Variants in SH3GL3 observed in about 807,000 individuals in gnomAD.
SH3GL3 encodes the protein endophilin-A3.
In SH3GL3, 33 loss-of-function variants were observed where a neutral mutation model predicts 47.7. That is an observed-to-expected ratio of 0.69 (90% CI 0.52 to 0.92). SH3GL3 has a LOEUF of 0.92. Ranked by LOEUF, SH3GL3 falls within the 40% of genes least tolerant of loss-of-function variation. The pLI is 0.00. For missense variants in SH3GL3, 363 were observed against 417.8 expected, an observed-to-expected ratio of 0.87 and a Z score of 1.14; for synonymous variants, 155 against 148.8, an observed-to-expected ratio of 1.04 and a Z score of -0.30.
chr15:83,555,024 T>G (rs1367223477), intron 1 of SH3GL3, among the ~76,000 whole-genome samples: 1 of 152,212 alleles, frequency 6.6e-6, no homozygotes. Flanking sequence ...CTCTCACTTA[T>G]CCTTCATATC....
intron 1 of SH3GL3, among the ~76,000 whole-genome samples, chr15:83,525,858 C>T (rs2043397323): frequency 6.6e-6 from 1 of 152,120 alleles, no homozygotes; most frequent in Non-Finnish European, 1.5e-5. Flanking sequence ...TCTGGGTTCT[C>T]TATTCGTGTT....
In SH3GL3 at chr15:83,571,675, A is replaced by G. The variant is rs76835836; in HGVS notation, c.332-890A>G. 1.8e-3 allele frequency among the ~76,000 whole-genome samples: 281 copies of G among 152,226 alleles called. 1 individual carries two copies. Among genetic ancestry groups the G allele is most frequent in the African/African-American group, 6.6e-3 (274 of 41,530 alleles). ...TCACCTGGTGGGTGAAACAACTCAA[A>G]GGTCAGACTTAGGCTGGGCTTTACG... is the stretch of plus-strand genomic sequence containing the variant. On this transcript the variant is annotated intron_variant, in intron 4 of 8. Coordinates refer to ENST00000427482, the MANE Select transcript of SH3GL3 (RefSeq NM_003027.5).
At chr15:83,469,513 G>A (rs548368881) in intron 1 of SH3GL3, among the ~76,000 whole-genome samples, 82 of 152,202 alleles carry the variant, frequency 5.4e-4, no homozygotes, top group Non-Finnish European at 8.2e-4. Flanking sequence ...ATTGTGATAT[G>A]TTGTAGTTTA....
intron 1 of SH3GL3, among the ~76,000 whole-genome samples, chr15:83,558,604 GA>G (rs1357806014): frequency 2.0e-5 from 3 of 152,054 alleles, no homozygotes; most frequent in Admixed American, 2.0e-4. Flanking sequence ...CCCCACAACA[GA>G]TAATTATCTG....
chr15:83,599,825 TC>T (rs1434422486), intron 8 of SH3GL3, among the ~76,000 whole-genome samples: 9 of 152,312 alleles, frequency 5.9e-5, no homozygotes, highest in African/African-American at 2.2e-4. Flanking sequence ...GTAGAAATGT[TC>T]CCTTTTCACC....
chr15:83,608,507 T>C (rs2060586153), intron 8 of SH3GL3, among the ~76,000 whole-genome samples: 2 of 152,220 alleles, frequency 1.3e-5, no homozygotes, highest in Admixed American at 1.3e-4. Context: ...AAGTATGTGC[T>C]TCAAATGAAT....
intron 1 of SH3GL3, among the ~76,000 whole-genome samples, chr15:83,490,007 G>A (rs556109770): frequency 6.6e-6 from 1 of 152,350 alleles, no homozygotes; most frequent in Admixed American, 6.5e-5. Flanking sequence ...ACCAAATACT[G>A]TCTCTGTGGC....
At chr15:83,539,901 G>A (rs1355274252) in intron 1 of SH3GL3, among the ~76,000 whole-genome samples, 2 of 152,046 alleles carry the variant, frequency 1.3e-5, no homozygotes, top group Non-Finnish European at 2.9e-5. Context: ...TAAAGCAGGG[G>A]TCTTAAATTA....
chr15:83,555,387 GCTCT>G (rs1277469251), intron 1 of SH3GL3, among the ~76,000 whole-genome samples: 1 of 151,814 alleles, frequency 6.6e-6, no homozygotes, highest in Non-Finnish European at 1.5e-5. Flanking sequence ...GATTTTGTCG[GCTCT>G]CTTTCTTGGT....
At chr15:83,629,113 T>G in the SH3GL3 span, among the ~76,000 whole-genome samples, 1 of 152,234 alleles carries the variant, frequency 6.6e-6, no homozygotes, top group East Asian at 1.9e-4. Flanking sequence ...CCTAAATAAA[T>G]GGAGTTATAC....
At chr15:83,450,853 G>T in intron 1 of SH3GL3, among the ~76,000 whole-genome samples, 1 of 92,008 alleles carries the variant, frequency 1.1e-5, no homozygotes, top group Non-Finnish European at 1.9e-5. Context: ...TGTGCACATT[G>T]TGCAGGTTAG....
At chr15:83,631,076 T>G in the SH3GL3 span, among the ~76,000 whole-genome samples, 4 of 152,146 alleles carry the variant, frequency 2.6e-5, no homozygotes, top group African/African-American at 9.7e-5. Flanking sequence ...ACAAAGGGGC[T>G]ACAGGACCCA....
intron 8 of SH3GL3, among the ~76,000 whole-genome samples, chr15:83,607,493 C>G (rs1399213723): frequency 6.6e-6 from 1 of 152,136 alleles, no homozygotes; most frequent in Non-Finnish European, 1.5e-5. Flanking sequence ...ATGGCTGACT[C>G]TAAGCTTCCA....
intron 8 of SH3GL3, among the ~76,000 whole-genome samples, chr15:83,610,566 A>G (rs1338179247): frequency 2.0e-5 from 3 of 152,118 alleles, no homozygotes; most frequent in Non-Finnish European, 2.9e-5. Flanking sequence ...AAAAGAAAGA[A>G]AAAGAAAAAG....
chr15:83,496,912 A>G (rs1313561279), intron 1 of SH3GL3, among the ~76,000 whole-genome samples: 2 of 151,930 alleles, frequency 1.3e-5, no homozygotes, highest in South Asian at 2.1e-4. Flanking sequence ...CCCAAGCTGG[A>G]TATCTTAGGA....
intron 8 of SH3GL3, among the ~76,000 whole-genome samples, chr15:83,594,834 A>C (rs1218795434): frequency 6.6e-6 from 1 of 152,188 alleles, no homozygotes; most frequent in Non-Finnish European, 1.5e-5. Context: ...GGCTGGTATT[A>C]AAAAGTCAAA....
chr15:83,533,418 CAAATCGGTTAATAGG>C (rs2043769628), intron 1 of SH3GL3, among the ~76,000 whole-genome samples: 1 of 152,170 alleles, frequency 6.6e-6, no homozygotes, highest in African/African-American at 2.4e-5. Context: ...CTTCTGAAGA[CAAATCGGTTAATAGG>C]AAAGAGCATA....
At chr15:83,558,408 C>T (rs1335277569) in intron 1 of SH3GL3, among the ~76,000 whole-genome samples, 1 of 152,014 alleles carries the variant, frequency 6.6e-6, no homozygotes, top group African/African-American at 2.4e-5. Context: ...CAATTTATTG[C>T]TGTTTTTTTT....
At chr15:83,588,979 G>A (rs1478586891) in intron 8 of SH3GL3, among the ~76,000 whole-genome samples, 3 of 152,054 alleles carry the variant, frequency 2.0e-5, no homozygotes, top group Admixed American at 6.6e-5. Flanking sequence ...GTAGCATTTA[G>A]AACCTTGGCC....
Sources: gnomAD v4.1 joint callset for allele counts (sites outside exome capture counted in the v4.1 genomes callset) on GRCh38, gnomAD v4.1.1 for gene constraint, MANE v1.5 for transcripts, NCBI Gene and HGNC (gene_info 2026-07-23, HGNC 2026-07-21) for gene names.